Variants in MPP7 observed in about 807,000 individuals in gnomAD.
MPP7 encodes MAGUK p55 scaffold protein 7, also known as MAGUK p55 subfamily member 7.
MPP7 carries 60 observed loss-of-function variants against 76.5 expected under a neutral mutation model. The observed-to-expected ratio is 0.78, with a 90% CI of 0.64 to 0.97. The LOEUF (loss-of-function observed/expected upper bound fraction) is 0.97. MPP7 is among the 50% of genes least tolerant of loss of function. The probability of loss-of-function intolerance (pLI) is 0.00; values close to 1 mark genes in which losing one functional copy is unlikely to be tolerated. For synonymous variants in MPP7, 237 were observed against 244.5 expected (o/e 0.97, Z 0.29); for missense variants, 641 against 694.0 (o/e 0.92, Z 0.86).
intron 10 of MPP7, 104 bp downstream of exon 10, chr10:28,120,090 G>C (rs895453578): frequency 1.9e-5 from 24 of 1,251,984 alleles, no homozygotes; most frequent in Non-Finnish European, 2.5e-5. Context: ...AAATTCTAAG[G>C]CAAGGTTTTA....
chr10:28,263,669 G>T (rs1840059012), intron 1 of MPP7, among the ~76,000 whole-genome samples: 1 of 152,168 alleles, frequency 6.6e-6, no homozygotes, highest in Non-Finnish European at 1.5e-5. Context: ...CCCACGATCT[G>T]CAAAGAGGAA....
At chr10:28,323,922 C>A (rs777781910) in intron 2 of MPP7, among the ~76,000 whole-genome samples, 43 of 152,176 alleles carry the variant, frequency 2.8e-4, no homozygotes, top group Non-Finnish European at 5.4e-4. Context: ...ATATGCCATG[C>A]ACATTTTGCG....
intron 1 of MPP7, among the ~76,000 whole-genome samples, chr10:28,243,599 A>C (rs1266017105): frequency 6.6e-6 from 1 of 152,134 alleles, no homozygotes; most frequent in East Asian, 1.9e-4. Context: ...ACTGAAACTT[A>C]TCTTTAAGAA....
intron 2 of MPP7, among the ~76,000 whole-genome samples, chr10:28,214,866 G>A (rs546866990): frequency 6.6e-6 from 1 of 152,184 alleles, no homozygotes; most frequent in South Asian, 2.1e-4. Context: ...TACAGTGTAG[G>A]GGTCATGCAG....
intron 1 of MPP7, among the ~76,000 whole-genome samples, chr10:28,274,882 T>C (rs1393019770): frequency 6.6e-6 from 1 of 152,204 alleles, no homozygotes; most frequent in Non-Finnish European, 1.5e-5. Flanking sequence ...TCTAGTCACA[T>C]TTAATTTGCT....
Position 28,262,244 on chromosome 10 carries a change from C to CAT in MPP7, c.-131-23511_-131-23510dup, listed in dbSNP as rs1209809486. ...ATATATACATATATATATATATATA[C>CAT]ATATATATATATATGTATATATATA... On this transcript the variant is annotated intron_variant, in intron 1 of 16. Coordinates refer to ENST00000683449, the MANE Select transcript of MPP7 (RefSeq NM_001318170.2). Among the ~76,000 whole-genome samples, 117 of 36,396 alleles carry CAT rather than the reference C, an allele frequency of 3.2e-3. 7 individuals carry two copies. Among genetic ancestry groups the CAT allele is most frequent in the Non-Finnish European group, 3.6e-3 (87 of 24,280 alleles). 23.9% of individuals were successfully genotyped at this position (36,396 alleles called of 152,430 possible).
chr10:28,093,251 G>A (rs1487373815), intron 11 of MPP7, among the ~76,000 whole-genome samples: 1 of 152,102 alleles, frequency 6.6e-6, no homozygotes, highest in Admixed American at 6.5e-5. Flanking sequence ...ATGGAGGGAG[G>A]CTTGCTGTCA....
At chr10:28,110,248 C>G (rs1834466302) in intron 11 of MPP7, among the ~76,000 whole-genome samples, 1 of 152,068 alleles carries the variant, frequency 6.6e-6, no homozygotes, top group African/African-American at 2.4e-5. Flanking sequence ...CACCACCACA[C>G]CCGGCTAATT....
chr10:28,197,141 T>C (rs922235057), intron 3 of MPP7, among the ~76,000 whole-genome samples: 5 of 151,254 alleles, frequency 3.3e-5, no homozygotes, highest in African/African-American at 9.7e-5. Flanking sequence ...TGACCTCCCA[T>C]GCCCTCATCC....
intron 1 of MPP7, among the ~76,000 whole-genome samples, chr10:28,259,711 G>A (rs1232418519): frequency 6.6e-6 from 1 of 152,108 alleles, no homozygotes; most frequent in Non-Finnish European, 1.5e-5. Context: ...AGGTGCAGTG[G>A]CTCATGCCTG....
chr10:28,203,677 A>T (rs1837856737), intron 2 of MPP7, among the ~76,000 whole-genome samples: 1 of 152,224 alleles, frequency 6.6e-6, no homozygotes, highest in Non-Finnish European at 1.5e-5. Context: ...TTCATTATAT[A>T]TATGAAAGTA....
At chr10:28,316,806 C>T (rs1335715162) in intron 2 of MPP7, among the ~76,000 whole-genome samples, 1 of 152,206 alleles carries the variant, frequency 6.6e-6, no homozygotes, top group African/African-American at 2.4e-5. Context: ...CAGCTCTTTC[C>T]TGTACGGCGC....
intron 1 of MPP7, among the ~76,000 whole-genome samples, chr10:28,295,920 T>C (rs1216692724): frequency 6.6e-6 from 1 of 152,206 alleles, no homozygotes; most frequent in African/African-American, 2.4e-5. Flanking sequence ...AGAAAGAGTA[T>C]GAGAAATAAG....
At chr10:28,058,431 C>A in intron 15 of MPP7, 64 bp downstream of exon 15, 1 of 799,664 alleles carries the variant, frequency 1.3e-6, no homozygotes. Flanking sequence ...TACTGAAATG[C>A]TCACATGAGG....
chr10:28,118,363 G>A (rs979693664), intron 11 of MPP7: 24 of 977,932 alleles, frequency 2.5e-5, no homozygotes, highest in Non-Finnish European at 2.8e-5. Context: ...ACATTTCTAA[G>A]TTGCCTAGGA....
At chr10:28,136,019 T>TAAG (rs1456850590) in intron 5 of MPP7, among the ~76,000 whole-genome samples, 9 of 152,022 alleles carry the variant, frequency 5.9e-5, no homozygotes, top group African/African-American at 2.2e-4. Flanking sequence ...TCCTGTCAGA[T>TAAG]CAGCAGCAGC....
intron 3 of MPP7, among the ~76,000 whole-genome samples, chr10:28,185,495 T>C (rs905156499): frequency 6.6e-6 from 1 of 152,068 alleles, no homozygotes; most frequent in Non-Finnish European, 1.5e-5. Context: ...AAATGATCAC[T>C]AGACTCAAAA....
chr10:28,128,015 A>G (rs998708504), intron 6 of MPP7, among the ~76,000 whole-genome samples: 10 of 152,216 alleles, frequency 6.6e-5, no homozygotes, highest in Non-Finnish European at 1.3e-4. Flanking sequence ...GCTGGAGCCC[A>G]GTAGCAGAGG....
chr10:28,221,205 T>A (rs932927210), intron 2 of MPP7, among the ~76,000 whole-genome samples: 1 of 152,116 alleles, frequency 6.6e-6, no homozygotes, highest in African/African-American at 2.4e-5. Context: ...GCTGTAAACG[T>A]TTTTTCTTTT....
Sources: allele counts gnomAD v4.1 joint callset (sites outside exome capture counted in the v4.1 genomes callset), GRCh38; gene constraint gnomAD v4.1.1; transcripts MANE v1.5; gene names NCBI Gene and HGNC (gene_info 2026-07-23, HGNC 2026-07-21).